The following INPPL1 variants were observed in gnomAD, a reference collection of about 807,000 sequenced individuals.
The protein encoded by INPPL1 is phosphatidylinositol 3,4,5-trisphosphate 5-phosphatase 2.
A neutral mutation model predicts 139.3 loss-of-function variants in INPPL1; 91 were observed. The observed-to-expected ratio is 0.65, with a 90% CI of 0.55 to 0.78. The LOEUF (loss-of-function observed/expected upper bound fraction) is 0.78. Ranked by LOEUF, INPPL1 falls within the 30% of genes least tolerant of loss-of-function variation. The pLI is 0.00. For synonymous variants in INPPL1, 719 were observed against 686.6 expected (o/e 1.05, Z -0.74); for missense variants, 1,411 against 1,665.6 (o/e 0.85, Z 2.66).
intron 26 of INPPL1, 85 bp downstream of exon 26, chr11:72,237,881 C>G: frequency 6.8e-7 from 1 of 1,479,042 alleles, no homozygotes; most frequent in Non-Finnish European, 9.1e-7. Context: ...ATTCAGCACT[C>G]ATGGTGTCCC....
chr11:72,231,619 AGT>A lies in INPPL1; in HGVS notation c.1615+6_1615+7del. On this transcript the variant is annotated splice_donor_5th_base_variant and intron_variant, in intron 13 of 27. Transcript: ENST00000298229. ...ACTGGCATCGCCAACACCCTGGGTA[AGT>A]GGGGCTGGCAGGTGCCCAAGAGTGG... The A allele has an allele frequency of 3.1e-6, 5 of 1,604,090 alleles. No individual in the cohort carries two copies. Among genetic ancestry groups the A allele is most frequent in the Non-Finnish European group, 4.3e-6 (5 of 1,171,734 alleles).
chr11:72,232,127 C>T (rs553970352), intron 13 of INPPL1, 113 bp from the exon 14 acceptor site: 69 of 839,144 alleles, frequency 8.2e-5, no homozygotes, highest in South Asian at 5.2e-4. Context: ...CATGTCACAG[C>T]GTCTGGTGGG....
At position 72,228,465 on chromosome 11, in the gene INPPL1, G is replaced by T; in HGVS notation, c.364G>T (p.Glu122Ter). ...GCTTCTTCCTGTAGAGGGTGAGCGA[G>T]AGCCGGACCCACCGGATGACCGGGA... ...ALLLPVEGER[E>*]PDPPDDRDAS... Residue 122 changes from glutamate (E) to a stop codon, truncating the protein, a stop_gained, in exon 3 of 28, where the codon GAG (glutamate) becomes TAG (stop). Transcript: ENST00000298229. LOFTEE classifies it high-confidence loss of function. This position sits in a 1 kb window ranked among gnomAD's most constrained non-coding sequence, Gnocchi z 5.0. 1 of 1,610,234 alleles carries T rather than the reference G, an allele frequency of 6.2e-7. No individual in the cohort carries two copies.
At chr11:72,226,909 T>C (rs1284474148) in intron 1 of INPPL1, among the ~76,000 whole-genome samples, 1 of 152,012 alleles carries the variant, frequency 6.6e-6, no homozygotes, top group Non-Finnish European at 1.5e-5. Context: ...AATCCTGGCC[T>C]CATTGCCAAG....
In INPPL1 at chr11:72,228,784, C is replaced by T. The variant is rs1565385322; in HGVS notation, c.455C>T (p.Ala152Val). 2 of 1,612,580 alleles carry T rather than the reference C, an allele frequency of 1.2e-6. No individual in the cohort carries two copies. Among genetic ancestry groups the T allele is most frequent in the Non-Finnish European group, 8.5e-7 (1 of 1,179,254 alleles). Residue 152 changes from alanine to valine, a missense_variant, in exon 4 of 28, where the codon GCC becomes GTC. Ala to Val is a moderately conservative substitution (Grantham distance 64). This residue lies in a region of INPPL1 where 504 missense variants were observed against 595.6 expected (regional missense o/e 0.85). Transcript: ENST00000298229. This position sits in a 1 kb window ranked among gnomAD's most constrained non-coding sequence, Gnocchi z 5.0. ...CGCTCTGGCTCCACCAGCATTTCTG[C>T]CCCCACTGGGCCCAGCAGTCCCCTG... ...PPRSGSTSIS[A>V]PTGPSSPLPA... is the part of the protein sequence containing the mutation.
In INPPL1 at chr11:72,231,107, A is replaced by G; in HGVS notation, c.1415A>G (p.Gln472Arg). 1 of 1,613,972 alleles carries G rather than the reference A, an allele frequency of 6.2e-7. No individual in the cohort carries two copies. The highest frequency in any genetic ancestry group is 8.5e-7 in the Non-Finnish European group (1 of 1,180,020). ...CATGACATCTATGTCTTTGGGACCC[A>G]GGAGAACTCAGTGGGCGACCGCGAG... The part of the protein sequence containing the change: ...IPHDIYVFGT[Q>R]ENSVGDREWL... The change falls in exon 12 of 28, where the codon CAG becomes CGG. Residue 472 changes from glutamine to arginine, a missense_variant. Gln to Arg is a conservative substitution (Grantham distance 43). This residue lies in a region of INPPL1 where 363 missense variants were observed against 446.2 expected (regional missense o/e 0.81). Transcript: ENST00000298229.
chr11:72,236,013 CCCCTTCCCCCA>C, intron 25 of INPPL1, 27 bp downstream of exon 25: 2 of 1,329,528 alleles, frequency 1.5e-6, no homozygotes, highest in Non-Finnish European at 2.1e-6. Flanking sequence ...GTCACCGCCC[CCCCTTCCCCCA>C]CCCACCTCTA....
intron 17 of INPPL1, 56 bp from the exon 18 acceptor site, chr11:72,233,385 A>G: frequency 5.3e-6 from 8 of 1,504,240 alleles, no homozygotes; most frequent in Non-Finnish European, 7.4e-6. Context: ...AGTGGGGTCC[A>G]TGCCAAGCAG....
chr11:72,226,236 A>G (rs1948670034), intron 1 of INPPL1, among the ~76,000 whole-genome samples: 1 of 143,032 alleles, frequency 7.0e-6, no homozygotes, highest in African/African-American at 2.6e-5. Flanking sequence ...GCTGGAGTGC[A>G]GTAGTGCAAT....
At position 72,237,521 on chromosome 11, in the gene INPPL1, G is replaced by A. The variant is rs759031943; in HGVS notation, c.3277G>A (p.Ala1093Thr). ...AEARGPPPPK[A>T]HPRPPLPPGP... ...GGCCCGTGGCCCACCACCTCCCAAGGCCCATCCAAGGCCTCCACTGCCCCC... is the reference window on the plus strand; with the variant it reads ...GGCCCGTGGCCCACCACCTCCCAAGACCCATCCAAGGCCTCCACTGCCCCC... The change falls in exon 26 of 28, where the codon GCC becomes ACC. Residue 1093 changes from alanine to threonine, a missense_variant. Ala to Thr is a moderately conservative substitution (Grantham distance 58). Coordinates refer to ENST00000298229, the MANE Select transcript of INPPL1 (RefSeq NM_001567.4). The A allele has an allele frequency of 1.2e-6, 2 of 1,608,108 alleles. No homozygotes were observed. Among genetic ancestry groups the A allele is most frequent in the African/African-American group, 2.7e-5 (2 of 74,870 alleles).
intron 7 of INPPL1, 31 bp from the exon 8 acceptor site, chr11:72,229,893 C>T: frequency 1.2e-6 from 2 of 1,606,006 alleles, no homozygotes; most frequent in Non-Finnish European, 1.7e-6. Context: ...CAGTGTGTCC[C>T]CTGACCCCGC....
intron 1 of INPPL1, chr11:72,227,907 G>A: frequency 2.0e-6 from 1 of 489,770 alleles, no homozygotes; most frequent in South Asian, 2.1e-5. Context: ...GGCCACAAAA[G>A]AGCTCCCTGT....
In INPPL1 at chr11:72,238,669, A is replaced by C. The variant is rs1216865761; in HGVS notation, c.*316A>C. 2 of 217,752 alleles carry C rather than the reference A, an allele frequency of 9.2e-6. No individual in the cohort carries two copies. The highest frequency in any genetic ancestry group is 9.4e-5 in the East Asian group (1 of 10,618). 13.5% of individuals were successfully genotyped at this position (217,752 alleles called of 1,614,324 possible). Reference sequence around the variant, plus strand: ...GCCCCAGGGGTGCCTGTGGGGGTCCATTTGGGTACGTCTGGGCCCCCACTT... The same window carrying C: ...GCCCCAGGGGTGCCTGTGGGGGTCCCTTTGGGTACGTCTGGGCCCCCACTT... On this transcript the variant is annotated 3_prime_UTR_variant, in exon 28 of 28. Transcript: ENST00000298229.
At position 72,233,487 on chromosome 11, in the gene INPPL1, C is replaced by A; in HGVS notation, c.2087C>A (p.Ser696Tyr). The A allele has an allele frequency of 6.2e-7, 1 of 1,614,154 alleles. No homozygotes were observed. The highest frequency in any genetic ancestry group is 1.1e-5 in the South Asian group (1 of 91,080). Residue 696 changes from serine (S) to tyrosine (Y), a missense_variant, in exon 18 of 28, where the codon TCC becomes TAC. Coordinates refer to ENST00000298229, the MANE Select transcript of INPPL1 (RefSeq NM_001567.4). The stretch of plus-strand genomic sequence containing the variant: ...TGGTGTGACCGGATTCTGTGGAAAT[C>A]CTACCCTGAAACTCACATCATCTGC... Reference protein sequence around the residue: ...PSWCDRILWKSYPETHIICNS... With the variant: ...PSWCDRILWKYYPETHIICNS...
In INPPL1 at chr11:72,238,273, G is replaced by C. The variant is rs763285348; in HGVS notation, c.3697G>C (p.Glu1233Gln). The C allele has an allele frequency of 1.2e-6, 2 of 1,612,778 alleles. No individual in the cohort carries two copies. Among genetic ancestry groups the C allele is most frequent in the African/African-American group, 2.7e-5 (2 of 74,866 alleles). Residue 1233 changes from glutamate to glutamine, a missense_variant, in exon 28 of 28, where the codon GAG becomes CAG. Around this residue, in one of 5 missense-constraint regions of INPPL1, gnomAD observed 438 missense variants for 425.7 expected, o/e 1.03. Transcript: ENST00000298229. ...TGTTTTACTCCACAGTGACATCACC[G>C]AGGAGGACTTGGAGGAGGCTGGGGT... The part of the protein sequence containing the change: ...DDLEFLSDIT[E>Q]EDLEEAGVQD...
At position 72,224,993 on chromosome 11, in the gene INPPL1, G is replaced by T; in HGVS notation, c.9G>T (p.Ser3=). The change falls in exon 1 of 28, where the codon TCG becomes TCT. Residue 3 remains serine, a synonymous_variant. Transcript: ENST00000298229. ...TGAGCCCTGCGCGGGCCATGGCCTC[G>T]GCCTGCGGGGCGCCGGGCCCGGGGG... MA[S]ACGAPGPGGA... 2.5e-6 allele frequency: 3 copies of T among 1,188,766 alleles called. No individual in the cohort carries two copies. Among genetic ancestry groups the T allele is most frequent in the Non-Finnish European group, 3.1e-6 (3 of 960,590 alleles). 73.6% of individuals were successfully genotyped at this position (1,188,766 alleles called of 1,614,324 possible). A position where few individuals can be genotyped will look rare whatever the true frequency, so the allele number is the denominator to read the frequency against.
chr11:72,235,615 G>C lies in INPPL1; in HGVS notation c.2660-60G>C. On this transcript the variant is annotated intron_variant, in intron 23 of 27. Coordinates refer to ENST00000298229, the MANE Select transcript of INPPL1 (RefSeq NM_001567.4). This position sits in a 1 kb window ranked among gnomAD's most constrained non-coding sequence, Gnocchi z 4.9. ...CTGGGAAAGGGCTGGCAGGCCCACTGGGTGTCTGTGGGATCCAGGAGCCCA... is the reference window on the plus strand; with the variant it reads ...CTGGGAAAGGGCTGGCAGGCCCACTCGGTGTCTGTGGGATCCAGGAGCCCA... The C allele has an allele frequency of 6.3e-7, 1 of 1,599,352 alleles. No homozygotes were observed.
Position 72,231,195 on chromosome 11 carries a change from G to C in INPPL1, c.1497+6G>C, listed in dbSNP as rs113752993. On this transcript the variant is annotated splice_donor_region_variant and intron_variant, in intron 12 of 27. Coordinates refer to ENST00000298229, the MANE Select transcript of INPPL1 (RefSeq NM_001567.4). ...CGGATCTGGATTACCGCCCGGTGAG[G>C]GGGGGTCATCTTGTCCAGGACCCTG... 3.7e-6 allele frequency: 6 copies of C among 1,607,694 alleles called. No individual in the cohort carries two copies. Among genetic ancestry groups the C allele is most frequent in the South Asian group, 2.2e-5 (2 of 90,728 alleles).
Position 72,224,907 on chromosome 11 carries a change from C to A in INPPL1, c.-78C>A. 2.0e-6 allele frequency: 2 copies of A among 983,104 alleles called. No individual in the cohort carries two copies. The highest frequency in any genetic ancestry group is 1.2e-6 in the Non-Finnish European group (1 of 816,968). 60.9% of individuals were successfully genotyped at this position (983,104 alleles called of 1,614,324 possible). On this transcript the variant is annotated 5_prime_UTR_variant, in exon 1 of 28. Coordinates refer to ENST00000298229, the MANE Select transcript of INPPL1 (RefSeq NM_001567.4). ...CTCAAGCCCGGGCCCCGGGCCCGGC[C>A]CCAGCCTCAGCCCTGAGCGTCTCGG...
Sources: gnomAD v4.1 joint callset for allele counts (sites outside exome capture counted in the v4.1 genomes callset) on GRCh38, gnomAD v4.1.1 for gene constraint, gnomAD v4.1.1 regional missense constraint, Gnocchi (gnomAD v3.1) non-coding constraint, MANE v1.5 for transcripts, NCBI Gene and HGNC (gene_info 2026-07-23, HGNC 2026-07-21) for gene names.